The following VAV2 variants were observed in gnomAD, a reference collection of about 807,000 sequenced individuals.
VAV2 encodes guanine nucleotide exchange factor VAV2.
VAV2 carries 67 observed loss-of-function variants against 132.5 expected under a neutral mutation model. The ratio of observed to expected loss-of-function variants is 0.51; its 90% CI spans 0.42 to 0.62. The LOEUF is 0.62. Among genes scored for constraint, VAV2 ranks in the 20% least tolerant of loss-of-function variants. The pLI, the probability that VAV2 is intolerant of heterozygous loss-of-function variation, is 0.00. For synonymous variants in VAV2, 492 were observed against 443.5 expected (o/e 1.11, Z -1.37); for missense variants, 938 against 1,153.6 (o/e 0.81, Z 2.71).
intron 3 of VAV2, among the ~76,000 whole-genome samples, chr9:133,859,892 A>G (rs7023551): frequency 0.29 from 43,807 of 152,182 alleles, 8,390 homozygotes; most frequent in African/African-American, 0.55. Flanking sequence ...CCTCAGAGGC[A>G]TTAGTTATCC....
chr9:133,990,470 C>T (rs1564530342), intron 1 of VAV2, among the ~76,000 whole-genome samples: 2 of 152,148 alleles, frequency 1.3e-5, no homozygotes, highest in Admixed American at 6.5e-5. Flanking sequence ...GGGCAGCCCC[C>T]GGACCCAGCG....
intron 1 of VAV2, among the ~76,000 whole-genome samples, chr9:133,978,793 C>T (rs943821162): frequency 6.6e-6 from 1 of 152,246 alleles, no homozygotes; most frequent in Non-Finnish European, 1.5e-5. Context: ...CCTGTCCCCT[C>T]CACGGTCCTG....
chr9:133,778,986 T>A, intron 21 of VAV2, 97 bp from the exon 22 acceptor site: 1 of 1,518,956 alleles, frequency 6.6e-7, no homozygotes, highest in Non-Finnish European at 8.9e-7. Flanking sequence ...AAGCTCGGCC[T>A]CCCCCAGCAC....
At chr9:133,944,316 T>A (rs1419025343) in intron 1 of VAV2, among the ~76,000 whole-genome samples, 1 of 151,992 alleles carries the variant, frequency 6.6e-6, no homozygotes, top group Admixed American at 6.5e-5. Flanking sequence ...TGCCTCGCCC[T>A]CCAGAGCTGG....
At chr9:133,877,924 C>T (rs748439036) in intron 2 of VAV2, among the ~76,000 whole-genome samples, 1 of 152,190 alleles carries the variant, frequency 6.6e-6, no homozygotes, top group Non-Finnish European at 1.5e-5. Flanking sequence ...CAGGAAGGTG[C>T]GTGAATCTCC....
rs1836673433 is a variant in VAV2, at chr9:133,840,387, T to A, written c.381-6047A>T. Among the ~76,000 whole-genome samples, 1 of 151,616 alleles carries A rather than the reference T, an allele frequency of 6.6e-6. No individual in the cohort carries two copies. Among genetic ancestry groups the A allele is most frequent in the Non-Finnish European group, 1.5e-5 (1 of 67,936 alleles). ...CCCTCCTCCCAAACGACCCATCCAA[T>A]CCCACTCCCCAAGCTTCCTCAGCAC... On this transcript the variant is annotated intron_variant, in intron 3 of 29. Transcript: ENST00000371850. The surrounding 1 kb of genome is among the most constrained non-coding windows in gnomAD (Gnocchi z 4.5).
chr9:133,796,464 T>C lies in VAV2; in HGVS notation c.997A>G (p.Met333Val). 6.2e-7 allele frequency: 1 copy of C among 1,613,884 alleles called. No individual in the cohort carries two copies. ...AGGTGGTATTTGAGCACCCTCTGCATGGGGACCACCAGCAGGTCTTGCAGC... is the reference window on the plus strand; with the variant it reads ...AGGTGGTATTTGAGCACCCTCTGCACGGGGACCACCAGCAGGTCTTGCAGC... ...FKLQDLLVVP[M>V]QRVLKYHLLL... Residue 333 changes from methionine to valine, a missense_variant, in exon 11 of 30, where the codon ATG becomes GTG. Physicochemically the swap from Met to Val is conservative, Grantham distance 21. Coordinates refer to ENST00000371850, the MANE Select transcript of VAV2 (RefSeq NM_001134398.2).
intron 4 of VAV2, among the ~76,000 whole-genome samples, chr9:133,820,739 G>A (rs1835755106): frequency 1.3e-5 from 2 of 152,210 alleles, no homozygotes; most frequent in Non-Finnish European, 2.9e-5. Context: ...GGCCACAGCT[G>A]TCCACTGGGA....
chr9:133,793,160 C>T (rs1588182171), intron 12 of VAV2, among the ~76,000 whole-genome samples: 1 of 152,172 alleles, frequency 6.6e-6, no homozygotes, highest in African/African-American at 2.4e-5. Flanking sequence ...CTGCAATCCT[C>T]GTGCTGGCCA....
In VAV2 at chr9:133,763,898, A is replaced by C. The variant is rs1833347518; in HGVS notation, c.*164T>G. ...GTCGCCGAGGGCAGGCTGACAGTGA[A>C]ACGGTTCGAGTTTAGGATTCTCAAC... is the stretch of plus-strand genomic sequence containing the variant. On this transcript the variant is annotated 3_prime_UTR_variant, in exon 30 of 30. Transcript: ENST00000371850. This position sits in a 1 kb window ranked among gnomAD's most constrained non-coding sequence, Gnocchi z 6.8. 1.2e-6 allele frequency: 1 copy of C among 818,540 alleles called. No individual in the cohort carries two copies. The highest frequency in any genetic ancestry group is 2.0e-6 in the Non-Finnish European group (1 of 511,972). The allele number at this position is 818,540 out of a possible 1,614,324, so 50.7% of individuals were successfully genotyped here.
chr9:133,860,257 G>A (rs1015730669), intron 3 of VAV2, among the ~76,000 whole-genome samples: 6 of 151,338 alleles, frequency 4.0e-5, no homozygotes, highest in African/African-American at 7.3e-5. Flanking sequence ...AGCCGAGATC[G>A]CGCCACTGCA....
At chr9:133,817,450 C>A (rs1260882535) in intron 4 of VAV2, among the ~76,000 whole-genome samples, 2 of 151,790 alleles carry the variant, frequency 1.3e-5, no homozygotes, top group East Asian at 3.9e-4. Context: ...GTCAGGAGTT[C>A]GAGGCCAGCC....
At chr9:133,960,308 C>A (rs1035526831) in intron 1 of VAV2, among the ~76,000 whole-genome samples, 1 of 152,162 alleles carries the variant, frequency 6.6e-6, no homozygotes, top group Admixed American at 6.5e-5. Context: ...TTTTCATCAT[C>A]TCTCAGTTTA....
intron 1 of VAV2, among the ~76,000 whole-genome samples, chr9:133,989,153 A>G (rs1233312135): frequency 6.6e-6 from 1 of 152,208 alleles, no homozygotes; most frequent in Non-Finnish European, 1.5e-5. Flanking sequence ...AGCCTGACCA[A>G]CATAGAGAAA....
chr9:133,921,619 C>T (rs1335528949), intron 2 of VAV2, among the ~76,000 whole-genome samples: 1 of 152,196 alleles, frequency 6.6e-6, no homozygotes, highest in Non-Finnish European at 1.5e-5. Flanking sequence ...CATAATTAGT[C>T]TTTGATTAAA....
chr9:133,763,925 C>T lies in VAV2; in HGVS notation c.*137G>A. On this transcript the variant is annotated 3_prime_UTR_variant, in exon 30 of 30. Coordinates refer to ENST00000371850, the MANE Select transcript of VAV2 (RefSeq NM_001134398.2). The surrounding 1 kb of genome is among the most constrained non-coding windows in gnomAD (Gnocchi z 6.8). ...CGGTTCGAGTTTAGGATTCTCAACA[C>T]CCTCCCTATCCCTGTGGGCAGTGGA... The T allele has an allele frequency of 9.6e-7, 1 of 1,042,182 alleles. No individual in the cohort carries two copies. The highest frequency in any genetic ancestry group is 1.4e-6 in the Non-Finnish European group (1 of 692,474). The allele number at this position is 1,042,182 out of a possible 1,614,324, so 64.6% of individuals were successfully genotyped here.
At chr9:133,882,722 G>T (rs1418793318) in intron 2 of VAV2, among the ~76,000 whole-genome samples, 1 of 152,148 alleles carries the variant, frequency 6.6e-6, no homozygotes, top group Non-Finnish European at 1.5e-5. Context: ...GCAGAGAGTG[G>T]ACGCCAGAAA....
At chr9:133,910,238 A>C (rs573342012) in intron 2 of VAV2, among the ~76,000 whole-genome samples, 1 of 152,294 alleles carries the variant, frequency 6.6e-6, no homozygotes, top group Non-Finnish European at 1.5e-5. Flanking sequence ...CCCTGAGACT[A>C]TGGCACCGTC....
At chr9:133,937,493 A>AGTGTGT (rs370759673) in intron 2 of VAV2, among the ~76,000 whole-genome samples, 6 of 149,032 alleles carry the variant, frequency 4.0e-5, no homozygotes, top group African/African-American at 1.5e-4. Context: ...TGGGTGCAAG[A>AGTGTGT]GTGTGTGCGT....
Sources: allele counts gnomAD v4.1 joint callset (sites outside exome capture counted in the v4.1 genomes callset), GRCh38; gene constraint gnomAD v4.1.1; non-coding constraint Gnocchi (gnomAD v3.1); transcripts MANE v1.5; gene names NCBI Gene and HGNC (gene_info 2026-07-23, HGNC 2026-07-21).